Variants in XPO7 observed in about 807,000 individuals in gnomAD.
The protein encoded by XPO7 is exportin-7.
In XPO7, 21 loss-of-function variants were observed where a neutral mutation model predicts 144.3. That is an observed-to-expected ratio of 0.15 (90% confidence interval 0.10 to 0.21). The LOEUF is 0.21. XPO7 is among the 10% of genes least tolerant of loss of function. The pLI, the probability that XPO7 is intolerant of heterozygous loss-of-function variation, is 1.00. For missense variants in XPO7, 808 were observed against 1,325.8 expected, an observed-to-expected ratio of 0.61 and a Z score of 6.06; for synonymous variants, 580 against 499.6, an observed-to-expected ratio of 1.16 and a Z score of -2.15.
chr8:21,920,993 A>T (rs1464954107), intron 1 of XPO7, among the ~76,000 whole-genome samples: 1 of 152,202 alleles, frequency 6.6e-6, no homozygotes, highest in Non-Finnish European at 1.5e-5. Context: ...AGAGATCAGT[A>T]AAGTAGATCT....
At chr8:21,991,016 G>GT (rs1812755991) in intron 18 of XPO7, 97 bp downstream of exon 18, 4 of 1,116,668 alleles carry the variant, frequency 3.6e-6, no homozygotes, top group South Asian at 1.3e-5. Context: ...GGCCTTTTCT[G>GT]TTTTTTCAAC....
chr8:21,933,822 T>A (rs1009417598), intron 1 of XPO7, among the ~76,000 whole-genome samples: 26 of 152,338 alleles, frequency 1.7e-4, no homozygotes, highest in African/African-American at 5.1e-4. Flanking sequence ...ACATCGTTTT[T>A]AAGCTAGGAA....
intron 1 of XPO7, among the ~76,000 whole-genome samples, chr8:21,922,860 C>T (rs146548878): frequency 1.3e-5 from 2 of 152,146 alleles, no homozygotes; most frequent in East Asian, 1.9e-4. Flanking sequence ...TATGACTGTA[C>T]TAGGAGAATG....
intron 16 of XPO7, among the ~76,000 whole-genome samples, chr8:21,989,469 T>C (rs1446880904): frequency 6.6e-6 from 1 of 152,236 alleles, no homozygotes; most frequent in Non-Finnish European, 1.5e-5. Flanking sequence ...AGCTTTGTGA[T>C]TGAAGTGATG....
chr8:21,956,673 A>ATTTTTGTC (rs1811545540), intron 1 of XPO7, among the ~76,000 whole-genome samples: 5 of 145,744 alleles, frequency 3.4e-5, no homozygotes, highest in African/African-American at 1.3e-4. Flanking sequence ...TCAATAGAAT[A>ATTTTTGTC]TTTTTGTCTC....
chr8:21,948,547 A>G (rs1170119133), intron 1 of XPO7, among the ~76,000 whole-genome samples: 1 of 152,218 alleles, frequency 6.6e-6, no homozygotes, highest in Non-Finnish European at 1.5e-5. Flanking sequence ...AACGCAAGGC[A>G]TGACTATACT....
At chr8:21,942,447 A>G (rs1227014097) in intron 1 of XPO7, among the ~76,000 whole-genome samples, 2 of 152,222 alleles carry the variant, frequency 1.3e-5, no homozygotes, top group African/African-American at 4.8e-5. Context: ...GTAAGGTAGC[A>G]TTGTTTTATA....
chr8:21,967,091 T>C, intron 2 of XPO7, 88 bp downstream of exon 2: 2 of 1,481,636 alleles, frequency 1.3e-6, no homozygotes, highest in Non-Finnish European at 1.8e-6. Context: ...TGGGATGGCT[T>C]CTGTTCCCTG....
At position 21,919,688 on chromosome 8, in the gene XPO7, T is replaced by TCGGCGG. The variant is rs949492976; in HGVS notation, c.-72_-67dup. The stretch of plus-strand genomic sequence containing the variant: ...GCGCGCAGGCGCAGCGGCGACGGCG[T>TCGGCGG]CGGCGGCGGCGGCGGCAGCGGCTCC... On this transcript the variant is annotated 5_prime_UTR_variant, in exon 1 of 28. Transcript: ENST00000252512. The TCGGCGG allele has an allele frequency of 4.3e-5, 8 of 185,238 alleles. No individual in the cohort carries two copies. The highest frequency in any genetic ancestry group is 9.3e-5 in the Non-Finnish European group (8 of 85,678). The allele number at this position is 185,238 out of a possible 1,614,324, so 11.5% of individuals were successfully genotyped here.
At chr8:21,976,765 C>T (rs1163794121) in intron 7 of XPO7, among the ~76,000 whole-genome samples, 1 of 152,202 alleles carries the variant, frequency 6.6e-6, no homozygotes, top group Non-Finnish European at 1.5e-5. Flanking sequence ...GCAGTCTTCC[C>T]ATCTCAGCCT....
intron 1 of XPO7, among the ~76,000 whole-genome samples, chr8:21,949,142 A>AT (rs1811288018): frequency 6.6e-6 from 1 of 152,214 alleles, no homozygotes; most frequent in South Asian, 2.1e-4. Context: ...GTTGTATCAC[A>AT]TTTTTCAGAA....
chr8:21,974,348 A>G (rs952541525), intron 5 of XPO7, among the ~76,000 whole-genome samples: 2 of 152,118 alleles, frequency 1.3e-5, no homozygotes, highest in Non-Finnish European at 2.9e-5. Context: ...ACAGTACAAC[A>G]TGAAAGTAAT....
Position 21,994,140 on chromosome 8 carries a change from A to G in XPO7, c.2149-223A>G, listed in dbSNP as rs373275649. On this transcript the variant is annotated intron_variant, in intron 19 of 27. Coordinates refer to ENST00000252512, the MANE Select transcript of XPO7 (RefSeq NM_015024.5). The stretch of plus-strand genomic sequence containing the variant: ...CCAAAGCTAATTTTCTTGGCATAAC[A>G]AACTTCCAAAGCTAACAAACTTCAA... Among the ~76,000 whole-genome samples the G allele has an allele frequency of 2.6e-5, 4 of 152,190 alleles. No individual in the cohort carries two copies. The East Asian group carries it at 7.7e-4, about 29-fold the overall frequency.
intron 1 of XPO7, among the ~76,000 whole-genome samples, chr8:21,953,856 TTTC>T (rs1307107087): frequency 6.6e-6 from 1 of 152,226 alleles, no homozygotes; most frequent in Non-Finnish European, 1.5e-5. Flanking sequence ...ATTGGTTTGT[TTTC>T]TTATTGTTGA....
At chr8:21,956,174 C>G (rs1025781822) in intron 1 of XPO7, among the ~76,000 whole-genome samples, 6 of 152,174 alleles carry the variant, frequency 3.9e-5, no homozygotes, top group Non-Finnish European at 7.3e-5. Context: ...ATGATTCCTT[C>G]CTTGGCTAAG....
chr8:21,984,640 G>A lies in XPO7; in HGVS notation c.1278-6G>A, dbSNP rs1468406756. 6.2e-7 allele frequency: 1 copy of A among 1,606,744 alleles called. No homozygotes were observed. Among genetic ancestry groups the A allele is most frequent in the South Asian group, 1.1e-5 (1 of 90,258 alleles). The stretch of plus-strand genomic sequence containing the variant: ...AGAGCTGCCTTCCTTCTTCCCTTGG[G>A]AATAGAGATGGCCTGGAAGATCCCC... On this transcript the variant is annotated splice_polypyrimidine_tract_variant and splice_region_variant and intron_variant, in intron 11 of 27. Transcript: ENST00000252512.
chr8:22,000,950 A>G (rs555076061), intron 24 of XPO7, among the ~76,000 whole-genome samples: 2 of 152,266 alleles, frequency 1.3e-5, no homozygotes, highest in South Asian at 4.1e-4. Flanking sequence ...TCAGTCTATC[A>G]GGGTGCATAG....
intron 27 of XPO7, 78 bp from the exon 28 acceptor site, chr8:22,004,917 T>G (rs1407223834): frequency 1.4e-6 from 1 of 708,140 alleles, no homozygotes; most frequent in Non-Finnish European, 2.2e-6. Context: ...CTTCCCATGC[T>G]TTAAAAAAAA....
rs1333216752 is a variant in XPO7 at position 21,999,686 on chromosome 8, A to AGGTG, written c.2782+21_2782+24dup. The AGGTG allele has an allele frequency of 1.1e-5, 17 of 1,613,768 alleles. No individual in the cohort carries two copies. Among genetic ancestry groups the AGGTG allele is most frequent in the Non-Finnish European group, 1.4e-5 (17 of 1,179,784 alleles). On this transcript the variant is annotated intron_variant, in intron 24 of 27. Coordinates refer to ENST00000252512, the MANE Select transcript of XPO7 (RefSeq NM_015024.5). The stretch of plus-strand genomic sequence containing the variant: ...ACTTACTGCACTTGGTAAGCACCTG[A>AGGTG]GGTGGGTGGGTGAGTTGGTGGGTTT...
Sources: gnomAD v4.1 joint callset for allele counts (sites outside exome capture counted in the v4.1 genomes callset) on GRCh38, gnomAD v4.1.1 for gene constraint, MANE v1.5 for transcripts, NCBI Gene and HGNC (gene_info 2026-07-23, HGNC 2026-07-21) for gene names.